Variants in ERLIN1 observed in about 807,000 individuals in gnomAD.
ERLIN1 encodes the protein erlin-1.
Under a neutral mutation model 46.9 loss-of-function variants are expected in ERLIN1, and 24 were observed. The ratio of observed to expected loss-of-function variants is 0.51; its 90% confidence interval spans 0.37 to 0.72. ERLIN1 has a LOEUF of 0.72. Ranked by LOEUF, ERLIN1 falls within the 30% of genes least tolerant of loss-of-function variation. The pLI is 0.00. For missense variants in ERLIN1, 293 were observed against 417.9 expected (o/e 0.70, Z 2.61); for synonymous variants, 158 against 143.2 (o/e 1.10, Z -0.74).
rs777933487 is a variant in ERLIN1 at position 100,185,598 on chromosome 10, A to G, written c.29T>C (p.Val10Ala). The G allele has an allele frequency of 6.2e-7, 1 of 1,613,932 alleles. No homozygotes were observed. Among genetic ancestry groups the G allele is most frequent in the Non-Finnish European group, 8.5e-7 (1 of 1,179,848 alleles). The change falls in exon 1 of 11, where the codon GTG (valine) becomes GCG (alanine). Residue 10 changes from valine (V) to alanine (A), a missense_variant. Val to Ala is a moderately conservative substitution (Grantham distance 64). Transcript: ENST00000421367. The part of the protein sequence containing the change: MNMTQARVL[V>A]AAVVGLVAVL... Reference sequence around the variant, plus strand: ...AGCCACCAACCCCACCACTGCAGCCACCAGAACCCGGGCTTGAGTCATATT... The same window carrying G: ...AGCCACCAACCCCACCACTGCAGCCGCCAGAACCCGGGCTTGAGTCATATT...
chr10:100,167,446 G>T (rs1334250802), intron 6 of ERLIN1, 40 bp from the exon 7 acceptor site: 9 of 1,499,390 alleles, frequency 6.0e-6, no homozygotes, highest in Non-Finnish European at 8.3e-6. Flanking sequence ...ATATTTGAAA[G>T]ATAAATCTTC....
At chr10:100,157,326 G>T (rs1254562773) in intron 8 of ERLIN1, among the ~76,000 whole-genome samples, 1 of 152,166 alleles carries the variant, frequency 6.6e-6, no homozygotes, top group Non-Finnish European at 1.5e-5. Flanking sequence ...CAAGCATTGG[G>T]AGTGAACATG....
chr10:100,169,505 GA>G (rs1344554231), intron 6 of ERLIN1, among the ~76,000 whole-genome samples: 1 of 151,016 alleles, frequency 6.6e-6, no homozygotes, highest in Non-Finnish European at 1.5e-5. Flanking sequence ...ATATGGAAAG[GA>G]AAAAAATATA....
rs1432993415 is a variant in ERLIN1 at position 100,151,078 on chromosome 10, G to C, written c.*1053C>G. 1 of 152,622 alleles carries C rather than the reference G, an allele frequency of 6.6e-6. No individual in the cohort carries two copies. Among genetic ancestry groups the C allele is most frequent in the Non-Finnish European group, 1.5e-5 (1 of 68,050 alleles). The allele number at this position is 152,622 out of a possible 1,614,324, so 9.5% of individuals were successfully genotyped here. On this transcript the variant is annotated 3_prime_UTR_variant, in exon 11 of 11. Coordinates refer to ENST00000421367, the MANE Select transcript of ERLIN1 (RefSeq NM_006459.4). ...GGCTCCAGATAAACAATCTTAAGGA[G>C]CATCAGTGTGCTTGTGACCATGGCA...
chr10:100,172,694 C>T (rs574237527), intron 6 of ERLIN1, among the ~76,000 whole-genome samples: 1 of 152,262 alleles, frequency 6.6e-6, no homozygotes, highest in African/African-American at 2.4e-5. Context: ...GTTCATGGGT[C>T]ACAATTATTT....
intron 8 of ERLIN1, among the ~76,000 whole-genome samples, 181 bp from the exon 9 acceptor site, chr10:100,156,415 T>TA (rs1260315040): frequency 1.3e-5 from 2 of 152,246 alleles, no homozygotes; most frequent in African/African-American, 4.8e-5. Flanking sequence ...ATTTATTTCC[T>TA]AATTTACTGT....
intron 1 of ERLIN1, 45 bp downstream of exon 1, chr10:100,185,468 CT>C (rs1844910639): frequency 6.9e-7 from 1 of 1,439,436 alleles, no homozygotes; most frequent in Non-Finnish European, 9.8e-7. Context: ...CTGGAGTACC[CT>C]TTTAATCTGC....
intron 6 of ERLIN1, among the ~76,000 whole-genome samples, chr10:100,169,237 G>A (rs1304258570): frequency 1.6e-4 from 24 of 152,046 alleles, no homozygotes. Flanking sequence ...TTAAACCTCT[G>A]CTCTTAACCT....
chr10:100,156,711 G>C (rs1843098930), intron 8 of ERLIN1, among the ~76,000 whole-genome samples: 1 of 151,990 alleles, frequency 6.6e-6, no homozygotes, highest in African/African-American at 2.4e-5. Flanking sequence ...ATGCCAGGAA[G>C]CACAGAGAAA....
At chr10:100,169,300 G>C (rs1843850067) in intron 6 of ERLIN1, among the ~76,000 whole-genome samples, 1 of 151,514 alleles carries the variant, frequency 6.6e-6, no homozygotes, top group African/African-American at 2.4e-5. Flanking sequence ...GTGAATGGAG[G>C]AAAAAAATGG....
In ERLIN1 at chr10:100,185,507, C is replaced by T. The variant is rs1844913745; in HGVS notation, c.113+7G>A. 2 of 1,602,164 alleles carry T rather than the reference C, an allele frequency of 1.2e-6. No homozygotes were observed. The highest frequency in any genetic ancestry group is 1.1e-5 in the South Asian group (1 of 90,862). ...TAGAGCCCTAACTGACTGCACATGC[C>T]GCTCACCTGTAGTACACAGCCAGAT... is the stretch of plus-strand genomic sequence containing the variant. On this transcript the variant is annotated splice_region_variant and intron_variant, in intron 1 of 10. Coordinates refer to ENST00000421367, the MANE Select transcript of ERLIN1 (RefSeq NM_006459.4).
At chr10:100,171,339 T>G (rs576658154) in intron 6 of ERLIN1, among the ~76,000 whole-genome samples, 122 of 152,330 alleles carry the variant, frequency 8.0e-4, no homozygotes, top group African/African-American at 2.8e-3. Flanking sequence ...TGAAAAAGTT[T>G]ATTTTTAAAA....
chr10:100,153,540 C>A (rs753957229), intron 10 of ERLIN1, among the ~76,000 whole-genome samples: 1 of 152,200 alleles, frequency 6.6e-6, no homozygotes, highest in Non-Finnish European at 1.5e-5. Context: ...CCTTCACAGT[C>A]CTACAGCATT....
At chr10:100,162,064 A>G (rs1205933031) in intron 8 of ERLIN1, among the ~76,000 whole-genome samples, 2 of 152,164 alleles carry the variant, frequency 1.3e-5, no homozygotes, top group African/African-American at 2.4e-5. Flanking sequence ...TGTCTACACA[A>G]AAACTACACA....
At chr10:100,155,335 C>T (rs1843015880) in intron 9 of ERLIN1, among the ~76,000 whole-genome samples, 1 of 151,966 alleles carries the variant, frequency 6.6e-6, no homozygotes, top group South Asian at 2.1e-4. Flanking sequence ...CAGAGACAGA[C>T]AGGAAGCAGC....
Position 100,151,952 on chromosome 10 carries a change from A to G in ERLIN1, c.*179T>C. On this transcript the variant is annotated 3_prime_UTR_variant, in exon 11 of 11. Coordinates refer to ENST00000421367, the MANE Select transcript of ERLIN1 (RefSeq NM_006459.4). ...TGATAAGACTGTGGCTGAAAAGACC[A>G]TTTGTGTGTCAGACAGCTGGCTCTA... The G allele has an allele frequency of 1.5e-6, 1 of 668,206 alleles. No homozygotes were observed. 41.4% of individuals were successfully genotyped at this position (668,206 alleles called of 1,614,324 possible).
At chr10:100,182,259 G>C (rs905269766) in intron 2 of ERLIN1, among the ~76,000 whole-genome samples, 5 of 149,184 alleles carry the variant, frequency 3.4e-5, no homozygotes, top group Non-Finnish European at 5.9e-5. Flanking sequence ...CAAACTCCTA[G>C]GCTCAAGTGA....
chr10:100,162,947 G>A (rs1843437110), intron 8 of ERLIN1, among the ~76,000 whole-genome samples: 1 of 152,132 alleles, frequency 6.6e-6, no homozygotes, highest in African/African-American at 2.4e-5. Flanking sequence ...TGTTATTGTG[G>A]CAGTGTTTGT....
intron 7 of ERLIN1, among the ~76,000 whole-genome samples, chr10:100,165,241 A>T (rs1039548231): frequency 1.3e-5 from 2 of 152,178 alleles, no homozygotes; most frequent in Non-Finnish European, 1.5e-5. Context: ...AAGTAACTCC[A>T]ATAGTTTCCC....
Sources: allele counts gnomAD v4.1 joint callset (sites outside exome capture counted in the v4.1 genomes callset), GRCh38; gene constraint gnomAD v4.1.1; transcripts MANE v1.5; gene names NCBI Gene and HGNC (gene_info 2026-07-23, HGNC 2026-07-21).